MYH10: variants seen among roughly 807,000 people sequenced by gnomAD.
MYH10 encodes myosin-10.
In MYH10, 55 loss-of-function variants were observed where a neutral mutation model predicts 257.8. That is an observed-to-expected ratio of 0.21 (90% CI 0.17 to 0.27). MYH10 has a LOEUF of 0.27. Ranked by LOEUF, MYH10 falls within the 10% of genes least tolerant of loss-of-function variation. The pLI, the probability that MYH10 is intolerant of heterozygous loss-of-function variation, is 1.00. For synonymous variants in MYH10, 854 were observed against 921.7 expected, an observed-to-expected ratio of 0.93 and a Z score of 1.33; for missense variants, 1,631 against 2,500.6, an observed-to-expected ratio of 0.65 and a Z score of 7.42.
At chr17:8,609,781 AAAAG>A (rs2084955075) in intron 2 of MYH10, among the ~76,000 whole-genome samples, 1 of 152,172 alleles carries the variant, frequency 6.6e-6, no homozygotes, top group African/African-American at 2.4e-5. Context: ...GTAAAATAAT[AAAAG>A]AAAATGACGT....
chr17:8,619,269 A>G (rs1009119583), intron 2 of MYH10, among the ~76,000 whole-genome samples: 3 of 152,316 alleles, frequency 2.0e-5, no homozygotes, highest in South Asian at 2.1e-4. Context: ...TAAACTGCCA[A>G]TAAGTGGCAG....
At chr17:8,578,691 C>T (rs1013870865) in intron 4 of MYH10, among the ~76,000 whole-genome samples, 1 of 152,160 alleles carries the variant, frequency 6.6e-6, no homozygotes, top group Non-Finnish European at 1.5e-5. Context: ...CACTACTAGG[C>T]TTGAAATTCA....
intron 17 of MYH10, among the ~76,000 whole-genome samples, chr17:8,526,864 A>C (rs1323479712): frequency 6.6e-6 from 1 of 152,198 alleles, no homozygotes; most frequent in Non-Finnish European, 1.5e-5. Context: ...AATTCATTCT[A>C]CTTAATATAG....
intron 30 of MYH10, among the ~76,000 whole-genome samples, chr17:8,497,695 C>G (rs370870007): frequency 3.4e-5 from 4 of 117,378 alleles, no homozygotes; most frequent in African/African-American, 6.5e-5. Context: ...GCCGAGATTG[C>G]GCCACTGCAC....
At chr17:8,479,377 T>G (rs1913275067) in intron 40 of MYH10, among the ~76,000 whole-genome samples, 1 of 152,232 alleles carries the variant, frequency 6.6e-6, no homozygotes, top group African/African-American at 2.4e-5. Context: ...AAAAGTTATT[T>G]TGTTGCTTAA....
At chr17:8,505,370 G>A (rs1034501974) in intron 27 of MYH10, among the ~76,000 whole-genome samples, 3 of 152,180 alleles carry the variant, frequency 2.0e-5, no homozygotes, top group African/African-American at 4.8e-5. Context: ...ATACCCTCCA[G>A]GTGCCTCTCT....
chr17:8,482,871 AAATGAGCATTTGGGG>A (rs1914084622), intron 37 of MYH10, among the ~76,000 whole-genome samples: 1 of 152,200 alleles, frequency 6.6e-6, no homozygotes, highest in Non-Finnish European at 1.5e-5. Flanking sequence ...GCCTTTGGGG[AAATGAGCATTTGGGG>A]ATCTCACCAA....
At chr17:8,508,502 G>A in intron 26 of MYH10, 52 bp downstream of exon 26, 1 of 1,608,676 alleles carries the variant, frequency 6.2e-7, no homozygotes, top group Non-Finnish European at 8.5e-7. Flanking sequence ...TACAGTAAAA[G>A]CTAAACACTC....
intron 37 of MYH10, among the ~76,000 whole-genome samples, chr17:8,483,779 C>T (rs938749157): frequency 6.6e-6 from 1 of 152,184 alleles, no homozygotes; most frequent in African/African-American, 2.4e-5. Flanking sequence ...TGTGTAAAAA[C>T]AAGGCAATTT....
chr17:8,572,697 T>G (rs1363765513), intron 6 of MYH10, among the ~76,000 whole-genome samples: 1 of 152,096 alleles, frequency 6.6e-6, no homozygotes, highest in Non-Finnish European at 1.5e-5. Context: ...ATGGTAATGG[T>G]GGACTCAGGC....
chr17:8,553,116 C>T (rs1021357560), intron 8 of MYH10, among the ~76,000 whole-genome samples: 1 of 152,210 alleles, frequency 6.6e-6, no homozygotes, highest in African/African-American at 2.4e-5. Flanking sequence ...CTATCCCACA[C>T]ATCCTCCACG....
At chr17:8,559,450 C>T (rs943410492) in intron 7 of MYH10, among the ~76,000 whole-genome samples, 2 of 152,106 alleles carry the variant, frequency 1.3e-5, no homozygotes, top group Non-Finnish European at 2.9e-5. Flanking sequence ...ATAGTTATTA[C>T]TGTAGCATCC....
intron 14 of MYH10, among the ~76,000 whole-genome samples, chr17:8,541,824 G>C (rs1000310135): frequency 6.6e-6 from 1 of 152,148 alleles, no homozygotes; most frequent in Non-Finnish European, 1.5e-5. Context: ...CCAGCGCACA[G>C]GGCCATCTGC....
chr17:8,563,106 T>A (rs1431752909), intron 7 of MYH10, among the ~76,000 whole-genome samples: 1 of 152,198 alleles, frequency 6.6e-6, no homozygotes, highest in Non-Finnish European at 1.5e-5. Context: ...TTAAAACACA[T>A]CAGCACAGAT....
chr17:8,556,936 T>A (rs1421217033), intron 7 of MYH10, among the ~76,000 whole-genome samples: 2 of 152,212 alleles, frequency 1.3e-5, no homozygotes, highest in African/African-American at 4.8e-5. Flanking sequence ...ATTCTGTGTA[T>A]TTACTATAAA....
At chr17:8,549,569 G>T (rs893719685) in intron 9 of MYH10, among the ~76,000 whole-genome samples, 10 of 152,208 alleles carry the variant, frequency 6.6e-5, no homozygotes, top group Admixed American at 3.3e-4. Flanking sequence ...TTGCTCTCCT[G>T]CAGAGAATTT....
chr17:8,543,703 A>T (rs1374596324), intron 13 of MYH10, among the ~76,000 whole-genome samples: 1 of 152,012 alleles, frequency 6.6e-6, no homozygotes, highest in African/African-American at 2.4e-5. Flanking sequence ...TGAACTCCTG[A>T]CCTCGTGATC....
Position 8,569,494 on chromosome 17 carries a change from A to G in MYH10, c.756+226T>C, listed in dbSNP as rs577404604. 6.6e-6 allele frequency among the ~76,000 whole-genome samples: 1 copy of G among 152,274 alleles called. No individual in the cohort carries two copies. Among genetic ancestry groups the G allele is most frequent in the Non-Finnish European group, 1.5e-5 (1 of 68,012 alleles). The stretch of plus-strand genomic sequence containing the variant: ...TCCATAAAATAAGACAGAGTTATAC[A>G]TTTCTGTATGATAAAATGATGAAAG... On this transcript the variant is annotated intron_variant, in intron 7 of 42. Coordinates refer to ENST00000360416, the MANE Select transcript of MYH10 (RefSeq NM_001256012.3). This position sits in a 1 kb window ranked among gnomAD's most constrained non-coding sequence, Gnocchi z 4.1.
chr17:8,523,058 C>T (rs2081710977), intron 17 of MYH10, among the ~76,000 whole-genome samples: 1 of 152,154 alleles, frequency 6.6e-6, no homozygotes, highest in African/African-American at 2.4e-5. Flanking sequence ...ATCTGCAACC[C>T]TTCTAGAATA....
Sources: gnomAD v4.1 joint callset for allele counts (sites outside exome capture counted in the v4.1 genomes callset) on GRCh38, gnomAD v4.1.1 for gene constraint, Gnocchi (gnomAD v3.1) non-coding constraint, MANE v1.5 for transcripts, NCBI Gene and HGNC (gene_info 2026-07-23, HGNC 2026-07-21) for gene names.